The following LRP1B variants were observed in gnomAD, a reference collection of about 807,000 sequenced individuals.
LRP1B encodes the protein low-density lipoprotein receptor-related protein 1B.
In LRP1B, 217 loss-of-function variants were observed where a neutral mutation model predicts 556.6. That is an observed-to-expected ratio of 0.39 (90% CI 0.35 to 0.44). The LOEUF (loss-of-function observed/expected upper bound fraction) is 0.44, where lower values mean the gene tolerates loss of function less well. Ranked by LOEUF, LRP1B falls within the 20% of genes least tolerant of loss-of-function variation. The pLI is 1.00. For missense variants in LRP1B, 5,053 were observed against 5,620.8 expected, an observed-to-expected ratio of 0.90 and a Z score of 3.23; for synonymous variants, 2,047 against 1,865.8, an observed-to-expected ratio of 1.10 and a Z score of -2.50.
At chr2:140,588,817 G>A (rs1682096655) in intron 43 of LRP1B, among the ~76,000 whole-genome samples, 1 of 137,390 alleles carries the variant, frequency 7.3e-6, no homozygotes, top group African/African-American at 2.7e-5. Flanking sequence ...AAATCAGCCG[G>A]GTGTGGTGGC....
intron 2 of LRP1B, among the ~76,000 whole-genome samples, chr2:141,805,939 T>C (rs539514608): frequency 5.3e-5 from 8 of 152,222 alleles, no homozygotes; most frequent in African/African-American, 1.7e-4. Context: ...AATGAGTCAT[T>C]ATGCCCAAAA....
chr2:141,294,901 T>C (rs1686124008), intron 3 of LRP1B, among the ~76,000 whole-genome samples: 1 of 152,104 alleles, frequency 6.6e-6, no homozygotes, highest in South Asian at 2.1e-4. Flanking sequence ...ATTATATTTG[T>C]TAAAAAATTG....
At chr2:140,903,521 A>C (rs566297671) in intron 22 of LRP1B, among the ~76,000 whole-genome samples, 1 of 152,180 alleles carries the variant, frequency 6.6e-6, no homozygotes, top group Admixed American at 6.6e-5. Context: ...TAATTTGTAG[A>C]GGTCTTCCAA....
At chr2:141,258,452 A>G (rs923862365) in intron 3 of LRP1B, among the ~76,000 whole-genome samples, 2 of 152,172 alleles carry the variant, frequency 1.3e-5, no homozygotes, top group Non-Finnish European at 2.9e-5. Flanking sequence ...ACCTGGCAAC[A>G]GTTGAGACTC....
At chr2:140,289,336 G>C (rs577223808) in intron 84 of LRP1B, among the ~76,000 whole-genome samples, 1 of 152,022 alleles carries the variant, frequency 6.6e-6, no homozygotes, top group South Asian at 2.1e-4. Context: ...AGATACATCA[G>C]TTGTTTTTCT....
At position 140,726,516 on chromosome 2, in the gene LRP1B, A is replaced by T. The variant is rs564884244; in HGVS notation, c.5759-9700T>A. 2.0e-3 allele frequency among the ~76,000 whole-genome samples: 309 copies of T among 152,254 alleles called. 1 individual carries two copies. The highest frequency in any genetic ancestry group is 0.01 in the South Asian group (50 of 4,824). On this transcript the variant is annotated intron_variant, in intron 35 of 90. Coordinates refer to ENST00000389484, the MANE Select transcript of LRP1B (RefSeq NM_018557.3). ...CTGGCTACATTCCTGTTTGCATGGC[A>T]ATTGAAAAATGTGGGAGTGATATGA...
intron 1 of LRP1B, among the ~76,000 whole-genome samples, chr2:142,034,583 G>A (rs925763175): frequency 1.3e-5 from 2 of 151,712 alleles, no homozygotes; most frequent in Non-Finnish European, 2.9e-5. Flanking sequence ...TACTGAAAGT[G>A]TATTATGTAT....
At chr2:140,696,088 A>T (rs147515668) in intron 41 of LRP1B, among the ~76,000 whole-genome samples, 213 of 152,344 alleles carry the variant, frequency 1.4e-3, no homozygotes, top group African/African-American at 4.8e-3. Flanking sequence ...ACTTAAAAAC[A>T]TGAAAATAAT....
At chr2:141,919,018 A>T (rs141138159) in intron 1 of LRP1B, among the ~76,000 whole-genome samples, 174 of 152,046 alleles carry the variant, frequency 1.1e-3, no homozygotes, top group African/African-American at 4.0e-3. Flanking sequence ...GGTACCTTAA[A>T]TTTTTTTTCT....
chr2:141,847,334 A>C (rs1697688769), intron 1 of LRP1B, among the ~76,000 whole-genome samples: 2 of 151,560 alleles, frequency 1.3e-5, no homozygotes, highest in African/African-American at 4.8e-5. Context: ...TTGTTCATGG[A>C]TGATATGGCT....
At chr2:140,773,088 CAACA>C (rs201778171) in intron 33 of LRP1B, among the ~76,000 whole-genome samples, 368 of 151,850 alleles carry the variant, frequency 2.4e-3, no homozygotes, top group African/African-American at 7.9e-3. Context: ...GAGACTGTCT[CAACA>C]AACAAACAAA....
chr2:141,497,534 G>A (rs1258121259), intron 2 of LRP1B, among the ~76,000 whole-genome samples: 2 of 152,010 alleles, frequency 1.3e-5, no homozygotes, highest in African/African-American at 2.4e-5. Flanking sequence ...CACCACATTT[G>A]TGTGAAGTGA....
At chr2:140,293,993 A>G (rs1402222917) in intron 84 of LRP1B, among the ~76,000 whole-genome samples, 1 of 152,222 alleles carries the variant, frequency 6.6e-6, no homozygotes, top group Non-Finnish European at 1.5e-5. Flanking sequence ...AGCTCTTTAT[A>G]AAGCATCAGG....
chr2:141,800,357 T>C (rs1695970670), intron 2 of LRP1B, among the ~76,000 whole-genome samples: 1 of 152,238 alleles, frequency 6.6e-6, no homozygotes, highest in Non-Finnish European at 1.5e-5. Context: ...TTACTTTAAG[T>C]AAATTTCCTT....
chr2:140,979,410 C>A (rs1268476673), intron 18 of LRP1B, among the ~76,000 whole-genome samples: 4 of 151,994 alleles, frequency 2.6e-5, no homozygotes, highest in Non-Finnish European at 5.9e-5. Context: ...GTAATATATA[C>A]CTGAGACTTC....
At chr2:140,433,628 T>G (rs1686047652) in intron 66 of LRP1B, among the ~76,000 whole-genome samples, 1 of 152,168 alleles carries the variant, frequency 6.6e-6, no homozygotes, top group Non-Finnish European at 1.5e-5. Context: ...TAATAACAAA[T>G]TATTGTACAT....
At chr2:141,337,677 A>G (rs1414782584) in intron 3 of LRP1B, among the ~76,000 whole-genome samples, 1 of 152,190 alleles carries the variant, frequency 6.6e-6, no homozygotes, top group Non-Finnish European at 1.5e-5. Flanking sequence ...TCATTTTGCT[A>G]TTAAACCCAA....
intron 3 of LRP1B, among the ~76,000 whole-genome samples, chr2:141,407,823 G>A (rs770606470): frequency 1.3e-5 from 2 of 152,074 alleles, no homozygotes; most frequent in African/African-American, 2.4e-5. Flanking sequence ...AACGATGTAA[G>A]AACAACCTAA....
chr2:140,692,641 C>T (rs13411355), intron 41 of LRP1B, among the ~76,000 whole-genome samples: 18,399 of 152,108 alleles, frequency 0.12, 1,421 homozygotes, highest in South Asian at 0.19. Flanking sequence ...CCTAGCATAA[C>T]TTGTCCATAT....
Sources: allele counts gnomAD v4.1 joint callset (sites outside exome capture counted in the v4.1 genomes callset), GRCh38; gene constraint gnomAD v4.1.1; transcripts MANE v1.5; gene names NCBI Gene and HGNC (gene_info 2026-07-23, HGNC 2026-07-21).